The following VPS13C variants were observed in gnomAD, a reference collection of about 807,000 sequenced individuals.
VPS13C encodes the protein intermembrane lipid transfer protein VPS13C.
In VPS13C, 358 loss-of-function variants were observed where a neutral mutation model predicts 456.8. That is an observed-to-expected ratio of 0.78 (90% CI 0.72 to 0.86). VPS13C has a LOEUF of 0.86. Among genes scored for constraint, VPS13C ranks in the 40% least tolerant of loss-of-function variants. VPS13C has a pLI of 0.00. For missense variants in VPS13C, 4,818 were observed against 4,385.4 expected (o/e 1.10, Z -2.79); for synonymous variants, 1,578 against 1,486.7 (o/e 1.06, Z -1.41).
intron 11 of VPS13C, 56 bp downstream of exon 11, chr15:62,012,982 TA>T: frequency 7.3e-7 from 1 of 1,367,262 alleles, no homozygotes; most frequent in Non-Finnish European, 1.0e-6. Flanking sequence ...CCTCTTATAT[TA>T]AACAAATTTA....
intron 44 of VPS13C, 96 bp from the exon 45 acceptor site, chr15:61,945,978 T>A: frequency 2.9e-6 from 3 of 1,050,060 alleles, no homozygotes; most frequent in Middle Eastern, 2.2e-4. Context: ...GAATCCTTGA[T>A]AAGTAGAAAT....
intron 27 of VPS13C, 81 bp downstream of exon 27, chr15:61,972,544 G>T: frequency 6.8e-7 from 1 of 1,475,626 alleles, no homozygotes; most frequent in South Asian, 1.3e-5. Context: ...TAATATACTT[G>T]ACATTTGGGT....
intron 1 of VPS13C, among the ~76,000 whole-genome samples, chr15:62,044,891 G>A (rs1427096490): frequency 6.6e-6 from 1 of 151,908 alleles, no homozygotes; most frequent in Non-Finnish European, 1.5e-5. Context: ...TAAGGAAAAA[G>A]TTTTCATTTC....
rs1314037504 is a variant in VPS13C, at chr15:62,041,371, A to T, written c.145-5T>A. On this transcript the variant is annotated splice_region_variant and splice_polypyrimidine_tract_variant and intron_variant, in intron 2 of 84. Transcript: ENST00000644861. ...AAAAGGAACATCCAATTCACTCTTC[A>T]GAAGAAAGAGAAAATGTAAAGGACA... 1.9e-6 allele frequency: 3 copies of T among 1,602,744 alleles called. No homozygotes were observed. The highest frequency in any genetic ancestry group is 1.7e-4 in the Middle Eastern group (1 of 6,032).
chr15:61,972,505 G>T, intron 27 of VPS13C, 120 bp downstream of exon 27: 2 of 990,894 alleles, frequency 2.0e-6, no homozygotes, highest in Non-Finnish European at 1.5e-6. Context: ...TGTGTGTTGG[G>T]CAGCAGGAAA....
In VPS13C at chr15:61,931,072, A is replaced by G. The variant is rs781452144; in HGVS notation, c.6038+18T>C. ...TGTCAACCTTAAATAATGTATTGCAAACTCAGAGCTGACAAACCTCGATGT... is the reference window on the plus strand; with the variant it reads ...TGTCAACCTTAAATAATGTATTGCAGACTCAGAGCTGACAAACCTCGATGT... On this transcript the variant is annotated intron_variant, in intron 50 of 84. Coordinates refer to ENST00000644861, the MANE Select transcript of VPS13C (RefSeq NM_020821.3). The G allele has an allele frequency of 1.9e-6, 3 of 1,613,676 alleles. No individual in the cohort carries two copies. In the Admixed American group the frequency reaches 5.0e-5, roughly 27 times the overall value.
rs35306432 is a variant in VPS13C at position 62,055,403 on chromosome 15, AT to A, written c.100+4871del. Among the ~76,000 whole-genome samples the A allele has an allele frequency of 3.9e-3, 457 of 115,934 alleles. 1 individual carries two copies. Among genetic ancestry groups the A allele is most frequent in the Admixed American group, 4.6e-3 (52 of 11,336 alleles). 76.1% of individuals were successfully genotyped at this position (115,934 alleles called of 152,430 possible). A position where few individuals can be genotyped will look rare whatever the true frequency, so the allele number is the denominator to read the frequency against. On this transcript the variant is annotated intron_variant, in intron 1 of 84. Coordinates refer to ENST00000644861, the MANE Select transcript of VPS13C (RefSeq NM_020821.3). ...CCCCCATGCCCGGCTAATTTTTTGT[AT>A]TTTTTTTTTTTTTTTTTTAGTGGAG...
intron 2 of VPS13C, among the ~76,000 whole-genome samples, 181 bp from the exon 3 acceptor site, chr15:62,041,547 G>C (rs191457614): frequency 6.6e-6 from 1 of 152,296 alleles, no homozygotes; most frequent in Admixed American, 6.5e-5. Flanking sequence ...GCCTGGTGCA[G>C]TGGCTCACAC....
At chr15:61,991,560 G>A in intron 17 of VPS13C, 113 bp downstream of exon 17, 2 of 1,202,758 alleles carry the variant, frequency 1.7e-6, no homozygotes, top group Non-Finnish European at 1.1e-6. Flanking sequence ...TTACTATACT[G>A]AGGTAATTTA....
At chr15:62,040,397 T>C (rs551290378) in intron 3 of VPS13C, among the ~76,000 whole-genome samples, 12 of 152,276 alleles carry the variant, frequency 7.9e-5, no homozygotes, top group African/African-American at 2.2e-4. Flanking sequence ...TTTGAGGTGA[T>C]AGAAACCTCA....
chr15:61,904,363 A>T (rs369286133), intron 66 of VPS13C, among the ~76,000 whole-genome samples: 24 of 152,156 alleles, frequency 1.6e-4, no homozygotes, highest in East Asian at 1.5e-3. Flanking sequence ...ATATCTCAAA[A>T]GAAGACATAC....
chr15:62,000,017 G>C (rs963708782), intron 16 of VPS13C, among the ~76,000 whole-genome samples: 2 of 151,868 alleles, frequency 1.3e-5, no homozygotes, highest in Admixed American at 6.6e-5. Flanking sequence ...CAGAATTATA[G>C]ATGTCTTTTA....
In VPS13C at chr15:62,056,022, A is replaced by C. The variant is rs2048784009; in HGVS notation, c.100+4253T>G. Reference sequence around the variant, plus strand: ...AACCAAAAAGTCTCAGACACTGTCAAATATACCCTGGGTACAAAGTCACCT... The same window carrying C: ...AACCAAAAAGTCTCAGACACTGTCACATATACCCTGGGTACAAAGTCACCT... On this transcript the variant is annotated intron_variant, in intron 1 of 84. Transcript: ENST00000644861. Among the ~76,000 whole-genome samples the C allele has an allele frequency of 2.6e-5, 4 of 152,178 alleles. No homozygotes were observed. The South Asian group carries it at 8.3e-4, about 32-fold the overall frequency.
chr15:61,865,929 T>C, intron 81 of VPS13C: 1 of 982,716 alleles, frequency 1.0e-6, no homozygotes. Context: ...AAAAGGAACA[T>C]GAGGATCAAA....
chr15:61,873,553 A>C, intron 77 of VPS13C, 144 bp from the exon 78 acceptor site: 1 of 748,450 alleles, frequency 1.3e-6, no homozygotes, highest in Non-Finnish European at 2.1e-6. Flanking sequence ...AATGGCCAAC[A>C]AGTATATGAA....
intron 51 of VPS13C, among the ~76,000 whole-genome samples, chr15:61,928,090 C>T (rs2043926555): frequency 6.6e-6 from 1 of 151,516 alleles, no homozygotes; most frequent in African/African-American, 2.4e-5. Context: ...ATACCTAATG[C>T]TAAATGACGA....
intron 39 of VPS13C, among the ~76,000 whole-genome samples, chr15:61,951,545 TTTTTCACAAATA>T (rs1269645223): frequency 6.6e-6 from 1 of 152,128 alleles, no homozygotes; most frequent in Non-Finnish European, 1.5e-5. Flanking sequence ...TTGATTTTCA[TTTTTCACAAATA>T]CATATTAACA....
chr15:62,047,824 G>T (rs920691986), intron 1 of VPS13C, among the ~76,000 whole-genome samples: 1 of 152,010 alleles, frequency 6.6e-6, no homozygotes, highest in Non-Finnish European at 1.5e-5. Flanking sequence ...CCTGTTTAAA[G>T]AAAAAGAATT....
At chr15:61,936,230 G>A (rs1292245231) in intron 48 of VPS13C, among the ~76,000 whole-genome samples, 1 of 152,078 alleles carries the variant, frequency 6.6e-6, no homozygotes, top group Non-Finnish European at 1.5e-5. Flanking sequence ...CTTTCTCATG[G>A]TTCAATCACC....
Sources: gnomAD v4.1 joint callset for allele counts (sites outside exome capture counted in the v4.1 genomes callset) on GRCh38, gnomAD v4.1.1 for gene constraint, MANE v1.5 for transcripts, NCBI Gene and HGNC (gene_info 2026-07-23, HGNC 2026-07-21) for gene names.